Variants in KCNMA1 observed in about 807,000 individuals in gnomAD.
KCNMA1 encodes potassium calcium-activated channel subfamily M alpha 1.
A neutral mutation model predicts 140.0 loss-of-function variants in KCNMA1; 29 were observed. The ratio of observed to expected loss-of-function variants is 0.21; its 90% CI spans 0.15 to 0.28. KCNMA1 has a LOEUF of 0.28. Among genes scored for constraint, KCNMA1 ranks in the 10% least tolerant of loss-of-function variants. The pLI is 1.00. For missense variants in KCNMA1, 880 were observed against 1,602.2 expected (o/e 0.55, Z 7.70); for synonymous variants, 612 against 611.9 (o/e 1.00, Z 0.00).
chr10:77,566,067 C>A (rs1435743029), intron 1 of KCNMA1, among the ~76,000 whole-genome samples: 1 of 144,836 alleles, frequency 6.9e-6, no homozygotes, highest in Non-Finnish European at 1.6e-5. Context: ...ACTGCACAAA[C>A]AAGATCAGGC....
intron 2 of KCNMA1, among the ~76,000 whole-genome samples, chr10:77,398,285 C>T (rs1428297083): frequency 2.6e-5 from 4 of 152,110 alleles, no homozygotes; most frequent in Non-Finnish European, 5.9e-5. Flanking sequence ...AATTTCTGTG[C>T]TGTTTTTCAT....
intron 1 of KCNMA1, among the ~76,000 whole-genome samples, chr10:77,599,793 G>A (rs2082068810): frequency 6.6e-6 from 1 of 152,084 alleles, no homozygotes; most frequent in African/African-American, 2.4e-5. Context: ...AGGGTCAGGA[G>A]GAACAAGGCC....
rs535322164 is a variant in KCNMA1 at position 76,966,228 on chromosome 10, G to A, written c.2360+3746C>T. On this transcript the variant is annotated intron_variant, in intron 20 of 27. Transcript: ENST00000286628. ...AAAAGATTAAAAGCAGGCAGCCGAAGTGCACAGACTTTTTGGATTCCATGT... is the reference window on the plus strand; with the variant it reads ...AAAAGATTAAAAGCAGGCAGCCGAAATGCACAGACTTTTTGGATTCCATGT... 3.0e-4 allele frequency among the ~76,000 whole-genome samples: 45 copies of A among 152,344 alleles called. 3 individuals are homozygous for A. The South Asian group carries it at 8.5e-3, about 29-fold the overall frequency.
chr10:77,430,720 A>G (rs960440043), intron 1 of KCNMA1, among the ~76,000 whole-genome samples: 1 of 152,194 alleles, frequency 6.6e-6, no homozygotes, highest in Non-Finnish European at 1.5e-5. Context: ...ATCCACTTAC[A>G]TCATGTCCAT....
chr10:77,407,263 C>T (rs374019790), intron 1 of KCNMA1, among the ~76,000 whole-genome samples: 2 of 152,300 alleles, frequency 1.3e-5, no homozygotes, highest in South Asian at 2.1e-4. Context: ...AGCCACAGAT[C>T]TTGTGCCTGG....
intron 22 of KCNMA1, among the ~76,000 whole-genome samples, chr10:76,946,208 C>A (rs2063907089): frequency 6.6e-6 from 1 of 152,158 alleles, no homozygotes; most frequent in Non-Finnish European, 1.5e-5. Flanking sequence ...TCAGGTGAAG[C>A]CACAGCAAAA....
intron 5 of KCNMA1, among the ~76,000 whole-genome samples, chr10:77,152,309 T>TGTGTGTGTGTGTGTG (rs59919010): frequency 4.1e-5 from 6 of 147,802 alleles, no homozygotes; most frequent in South Asian, 2.2e-4. Flanking sequence ...TGTGTGTGTG[T>TGTGTGTGTGTGTGTG]TGTTGCTGTT....
chr10:77,451,069 A>G (rs982385297), intron 1 of KCNMA1, among the ~76,000 whole-genome samples: 2 of 152,284 alleles, frequency 1.3e-5, no homozygotes, highest in South Asian at 4.2e-4. Flanking sequence ...CTGTGAGTCC[A>G]TTAAACCTCT....
At chr10:77,163,945 G>C (rs1345548350) in intron 5 of KCNMA1, among the ~76,000 whole-genome samples, 1 of 152,134 alleles carries the variant, frequency 6.6e-6, no homozygotes, top group Non-Finnish European at 1.5e-5. Context: ...GGGCATCACT[G>C]TTGAACAAAT....
chr10:77,247,184 T>C (rs1483846135), intron 3 of KCNMA1, among the ~76,000 whole-genome samples: 1 of 152,168 alleles, frequency 6.6e-6, no homozygotes, highest in Admixed American at 6.5e-5. Context: ...CGTTTAAACA[T>C]GAATCAAAGG....
intron 1 of KCNMA1, among the ~76,000 whole-genome samples, chr10:77,618,215 C>T (rs2090230320): frequency 6.6e-6 from 1 of 152,196 alleles, no homozygotes; most frequent in South Asian, 2.1e-4. Context: ...CTTCACTGCA[C>T]CCTCCACACA....
At chr10:77,288,245 C>G (rs1203475595) in intron 2 of KCNMA1, among the ~76,000 whole-genome samples, 1 of 152,222 alleles carries the variant, frequency 6.6e-6, no homozygotes, top group Non-Finnish European at 1.5e-5. Context: ...TTCTAGTTAG[C>G]AAAGTCCCCA....
chr10:77,105,476 T>C (rs1388359158), intron 9 of KCNMA1, among the ~76,000 whole-genome samples: 1 of 152,250 alleles, frequency 6.6e-6, no homozygotes, highest in Non-Finnish European at 1.5e-5. Flanking sequence ...ATGAGTTACC[T>C]TGAGTTCTCT....
intron 2 of KCNMA1, among the ~76,000 whole-genome samples, chr10:77,381,397 T>A (rs1341778474): frequency 1.3e-5 from 2 of 152,224 alleles, no homozygotes; most frequent in South Asian, 4.1e-4. Flanking sequence ...AAAATATGCA[T>A]GTAAGTAAAA....
At chr10:76,878,303 C>T (rs549642765) in intron 29 of KCNMA1, among the ~76,000 whole-genome samples, 9 of 152,202 alleles carry the variant, frequency 5.9e-5, no homozygotes, top group African/African-American at 1.9e-4. Flanking sequence ...TTGAGTGGAA[C>T]GGAAGGGCAC....
At chr10:77,137,475 C>A (rs1327844884) in intron 5 of KCNMA1, among the ~76,000 whole-genome samples, 3 of 152,126 alleles carry the variant, frequency 2.0e-5, no homozygotes, top group Admixed American at 6.5e-5. Flanking sequence ...TCAGGGTAAA[C>A]AGAGGATGCC....
intron 2 of KCNMA1, among the ~76,000 whole-genome samples, chr10:77,303,861 A>G (rs2077072919): frequency 4.6e-5 from 7 of 152,254 alleles, no homozygotes; most frequent in Admixed American, 4.6e-4. Context: ...AATTGAGAAC[A>G]GACTCATTGC....
At chr10:77,182,254 A>G (rs1203676500) in intron 5 of KCNMA1, among the ~76,000 whole-genome samples, 1 of 152,222 alleles carries the variant, frequency 6.6e-6, no homozygotes, top group East Asian at 1.9e-4. Flanking sequence ...CAGCAATAAA[A>G]GGAAAAGGAA....
At chr10:77,216,384 T>C (rs1425011840) in intron 3 of KCNMA1, among the ~76,000 whole-genome samples, 1 of 150,766 alleles carries the variant, frequency 6.6e-6, no homozygotes, top group African/African-American at 2.4e-5. Flanking sequence ...AGAGGAGAAG[T>C]GGGAAGGAAG....
Sources: allele counts gnomAD v4.1 joint callset (sites outside exome capture counted in the v4.1 genomes callset), GRCh38; gene constraint gnomAD v4.1.1; transcripts MANE v1.5; gene names NCBI Gene and HGNC (gene_info 2026-07-23, HGNC 2026-07-21).